The following ANO3 variants were observed in gnomAD, a reference collection of about 807,000 sequenced individuals.
The protein encoded by ANO3 is anoctamin 3, also known as anoctamin-3.
In ANO3, 99 loss-of-function variants were observed where a neutral mutation model predicts 144.8. That is an observed-to-expected ratio of 0.68 (90% CI 0.58 to 0.81). The LOEUF is 0.81. ANO3 is among the 30% of genes least tolerant of loss of function. The pLI is 0.00. For synonymous variants in ANO3, 414 were observed against 392.6 expected (o/e 1.05, Z -0.64); for missense variants, 905 against 1,202.2 (o/e 0.75, Z 3.66).
chr11:26,286,138 C>T (rs967575115), intron 1 of ANO3: 3 of 152,048 alleles, frequency 2.0e-5, no homozygotes, highest in African/African-American at 7.2e-5. Flanking sequence ...TGAAAATAAG[C>T]AGGTCAGCAT....
intron 1 of ANO3, among the ~76,000 whole-genome samples, chr11:26,212,212 T>C (rs1319364172): frequency 1.3e-5 from 2 of 151,034 alleles, no homozygotes; most frequent in Admixed American, 6.6e-5. Flanking sequence ...GAAAAAAGTA[T>C]ATATTAAAAA....
At chr11:26,467,922 C>T (rs1354175647) in intron 4 of ANO3, among the ~76,000 whole-genome samples, 2 of 151,848 alleles carry the variant, frequency 1.3e-5, no homozygotes, top group African/African-American at 4.8e-5. Flanking sequence ...GGCCTGACTG[C>T]AAGCAAAGTT....
chr11:26,335,041 G>A (rs1855157664), intron 1 of ANO3, among the ~76,000 whole-genome samples: 1 of 152,168 alleles, frequency 6.6e-6, no homozygotes, highest in African/African-American at 2.4e-5. Flanking sequence ...TATAAGTATA[G>A]TATAGATAAG....
At chr11:26,376,862 G>A (rs779742777) in intron 1 of ANO3, among the ~76,000 whole-genome samples, 16 of 152,068 alleles carry the variant, frequency 1.1e-4, no homozygotes, top group Non-Finnish European at 2.1e-4. Context: ...TTAAATTGGG[G>A]TAACTGAAAT....
At chr11:26,589,044 G>GA (rs1350312568) in intron 14 of ANO3, among the ~76,000 whole-genome samples, 1 of 152,050 alleles carries the variant, frequency 6.6e-6, no homozygotes, top group African/African-American at 2.4e-5. Flanking sequence ...TAGTCCTGGG[G>GA]AAAAAACAAA....
At chr11:26,281,268 GCA>G (rs1185652435) in intron 1 of ANO3, among the ~76,000 whole-genome samples, 4 of 151,996 alleles carry the variant, frequency 2.6e-5, no homozygotes, top group Non-Finnish European at 4.4e-5. Flanking sequence ...CCTATAGTTG[GCA>G]CACAATTTCT....
intron 3 of ANO3, among the ~76,000 whole-genome samples, chr11:26,449,882 G>A (rs1359553859): frequency 6.6e-6 from 1 of 151,960 alleles, no homozygotes; most frequent in Admixed American, 6.6e-5. Flanking sequence ...AGCCTCCCGA[G>A]TAGCTGGGAT....
chr11:26,386,762 T>A (rs1366596743), intron 1 of ANO3, among the ~76,000 whole-genome samples: 1 of 152,166 alleles, frequency 6.6e-6, no homozygotes, highest in Non-Finnish European at 1.5e-5. Context: ...GGAGGTTACC[T>A]ACAAGAGAAA....
At chr11:26,270,776 C>CTCCT (rs1853421639) in intron 1 of ANO3, among the ~76,000 whole-genome samples, 1 of 152,202 alleles carries the variant, frequency 6.6e-6, no homozygotes. Context: ...ACACTACAAT[C>CTCCT]TGCTGAATAT....
chr11:26,358,149 A>G (rs78991792), intron 1 of ANO3, among the ~76,000 whole-genome samples: 3 of 151,072 alleles, frequency 2.0e-5, no homozygotes, highest in Non-Finnish European at 4.4e-5. Context: ...TTTTTACATG[A>G]AGCTTAGAAT....
chr11:26,266,947 C>G (rs980128901), intron 1 of ANO3, among the ~76,000 whole-genome samples: 45 of 151,036 alleles, frequency 3.0e-4, no homozygotes, highest in African/African-American at 1.0e-3. Context: ...AAAAAATTAG[C>G]CAGGCGTGGT....
At chr11:26,467,320 G>A (rs1398393978) in intron 4 of ANO3, among the ~76,000 whole-genome samples, 11 of 152,008 alleles carry the variant, frequency 7.2e-5, no homozygotes, top group African/African-American at 2.7e-4. Context: ...TCTTTAAAAT[G>A]TACAAGTAAA....
intron 1 of ANO3, among the ~76,000 whole-genome samples, chr11:26,438,610 A>AAAAAAAAAAAG (rs1858387204): frequency 1.8e-4 from 13 of 73,848 alleles, no homozygotes; most frequent in African/African-American, 2.4e-4. Flanking sequence ...AAAAAAAAAG[A>AAAAAAAAAAAG]AAAAAAAAAA....
At chr11:26,266,874 G>T (rs1853321290) in intron 1 of ANO3, among the ~76,000 whole-genome samples, 1 of 151,228 alleles carries the variant, frequency 6.6e-6, no homozygotes, top group Non-Finnish European at 1.5e-5. Flanking sequence ...GAGGTCAGGA[G>T]ATCGAGACCA....
chr11:26,366,240 C>T (rs897980628), intron 1 of ANO3, among the ~76,000 whole-genome samples: 3 of 151,960 alleles, frequency 2.0e-5, no homozygotes, highest in South Asian at 2.1e-4. Context: ...TGAGAACATG[C>T]GGTGTTTGGT....
At chr11:26,443,889 C>A in intron 3 of ANO3, 53 bp downstream of exon 3, 1 of 1,234,684 alleles carries the variant, frequency 8.1e-7, no homozygotes, top group Non-Finnish European at 1.1e-6. Context: ...CAAAGGTAAG[C>A]TGTGTTCTTC....
At chr11:26,325,904 A>G (rs1227533584) in intron 1 of ANO3, among the ~76,000 whole-genome samples, 1 of 152,168 alleles carries the variant, frequency 6.6e-6, no homozygotes, top group African/African-American at 2.4e-5. Context: ...GTCTTATTAC[A>G]GGTTAGAGAC....
chr11:26,301,377 G>A (rs1179834959), intron 1 of ANO3, among the ~76,000 whole-genome samples: 2 of 152,112 alleles, frequency 1.3e-5, no homozygotes, highest in Admixed American at 6.5e-5. Context: ...AGAAAAAATA[G>A]ACTAGATATG....
intron 14 of ANO3, among the ~76,000 whole-genome samples, chr11:26,587,937 CAAA>C (rs60752903): frequency 0.53 from 61,335 of 116,372 alleles, 14,125 homozygotes; most frequent in South Asian, 0.71. Flanking sequence ...AACTCTGTCT[CAAA>C]AAAAAAAAAA....
Sources: allele counts gnomAD v4.1 joint callset (sites outside exome capture counted in the v4.1 genomes callset), GRCh38; gene constraint gnomAD v4.1.1; transcripts MANE v1.5; gene names NCBI Gene and HGNC (gene_info 2026-07-23, HGNC 2026-07-21).